BMPER: variants seen among roughly 807,000 people sequenced by gnomAD.
BMPER encodes the protein BMP binding endothelial regulator.
A neutral mutation model predicts 87.3 loss-of-function variants in BMPER; 45 were observed. That is an observed-to-expected ratio of 0.52 (90% CI 0.41 to 0.66). The LOEUF (loss-of-function observed/expected upper bound fraction) is 0.66. Ranked by LOEUF, BMPER falls within the 30% of genes least tolerant of loss-of-function variation. BMPER has a pLI of 0.00. For missense variants in BMPER, 784 were observed against 867.5 expected (o/e 0.90, Z 1.21); for synonymous variants, 326 against 316.2 (o/e 1.03, Z -0.33).
At chr7:34,084,735 G>T (rs1175301668) in intron 12 of BMPER, among the ~76,000 whole-genome samples, 1 of 152,206 alleles carries the variant, frequency 6.6e-6, no homozygotes, top group East Asian at 1.9e-4. Flanking sequence ...CTAGTCAGAT[G>T]TATCTATGCT....
chr7:34,048,200 A>G (rs1309478602), intron 7 of BMPER, among the ~76,000 whole-genome samples: 1 of 151,998 alleles, frequency 6.6e-6, no homozygotes. Flanking sequence ...CAGCCATACC[A>G]TGAAGTCTAT....
intron 14 of BMPER, 101 bp from the exon 15 acceptor site, chr7:34,152,991 C>G (rs759972617): frequency 6.0e-6 from 8 of 1,328,486 alleles, no homozygotes; most frequent in Non-Finnish European, 8.7e-6. Context: ...GCTATGGAAA[C>G]GTCCATGAAG....
At chr7:33,972,563 C>T (rs1785576080) in intron 5 of BMPER, among the ~76,000 whole-genome samples, 2 of 152,098 alleles carry the variant, frequency 1.3e-5, no homozygotes, top group Admixed American at 6.5e-5. Flanking sequence ...CTAGGCCCAC[C>T]AAGAGTAAGC....
intron 3 of BMPER, among the ~76,000 whole-genome samples, chr7:33,955,138 T>C (rs1423735405): frequency 6.6e-6 from 1 of 152,112 alleles, no homozygotes; most frequent in Non-Finnish European, 1.5e-5. Flanking sequence ...CTCAGGTGAT[T>C]TGCCTACCTC....
chr7:34,121,847 T>C (rs1306581606), intron 13 of BMPER, among the ~76,000 whole-genome samples: 1 of 152,102 alleles, frequency 6.6e-6, no homozygotes, highest in Non-Finnish European at 1.5e-5. Flanking sequence ...AAAGGCCAGG[T>C]GTGGTGGCTC....
At chr7:34,006,147 A>G (rs897569272) in intron 6 of BMPER, among the ~76,000 whole-genome samples, 1 of 152,068 alleles carries the variant, frequency 6.6e-6, no homozygotes, top group African/African-American at 2.4e-5. Flanking sequence ...TGTAAAAAAA[A>G]TTAAATAAAC....
At chr7:34,114,673 A>G (rs976040661) in intron 13 of BMPER, among the ~76,000 whole-genome samples, 1 of 152,248 alleles carries the variant, frequency 6.6e-6, no homozygotes, top group Non-Finnish European at 1.5e-5. Context: ...AGCTACTATT[A>G]TGTAGACATG....
chr7:33,908,471 C>G (rs1783876522), intron 2 of BMPER, among the ~76,000 whole-genome samples: 1 of 152,046 alleles, frequency 6.6e-6, no homozygotes, highest in Admixed American at 6.5e-5. Context: ...GTACTCCTAC[C>G]CCTGCTAAAA....
chr7:34,058,780 G>C (rs1011155992), intron 10 of BMPER, among the ~76,000 whole-genome samples: 15 of 152,204 alleles, frequency 9.9e-5, no homozygotes, highest in Non-Finnish European at 8.8e-5. Context: ...TCAGCAACTT[G>C]AAACCTTTTA....
In BMPER at chr7:33,929,158, G is replaced by T. The variant is rs538782414; in HGVS notation, c.220-8131G>T. On this transcript the variant is annotated intron_variant, in intron 2 of 14. Transcript: ENST00000649409. ...GGCCGGAGGAGGCGTGTTTGCCAGG[G>T]CCTGGGTCTCTGGGGTAAAGACTCG... Among the ~76,000 whole-genome samples, 14 of 152,292 alleles carry T rather than the reference G, an allele frequency of 9.2e-5. No homozygotes were observed. In the South Asian group the frequency reaches 2.5e-3, roughly 27 times the overall value.
At chr7:34,055,076 G>A (rs1788246466) in intron 8 of BMPER, 87 bp from the exon 9 acceptor site, 2 of 1,565,044 alleles carry the variant, frequency 1.3e-6, no homozygotes, top group Admixed American at 3.3e-5. Flanking sequence ...GACACAGATA[G>A]TTATGAGTTA....
Position 34,156,313 on chromosome 7 carries a change from G to A in BMPER, c.*3040G>A, listed in dbSNP as rs1252858674. ...CACACAAAAAGGCATAGAGAAAAAT[G>A]TTGCAAACATCCATGACTACATTAC... is the stretch of plus-strand genomic sequence containing the variant. On this transcript the variant is annotated 3_prime_UTR_variant, in exon 15 of 15. Transcript: ENST00000649409. Among the ~76,000 whole-genome samples, 1 of 152,176 alleles carries A rather than the reference G, an allele frequency of 6.6e-6. No individual in the cohort carries two copies. The highest frequency in any genetic ancestry group is 6.5e-5 in the Admixed American group (1 of 15,274).
chr7:34,074,144 T>C (rs772961963), intron 11 of BMPER, among the ~76,000 whole-genome samples: 11 of 152,282 alleles, frequency 7.2e-5, no homozygotes, highest in Non-Finnish European at 1.6e-4. Context: ...ACAATGTACC[T>C]ACACAATATT....
intron 3 of BMPER, among the ~76,000 whole-genome samples, chr7:33,951,703 T>G (rs1437751814): frequency 2.0e-5 from 3 of 152,160 alleles, no homozygotes; most frequent in Non-Finnish European, 4.4e-5. Context: ...TAAAAGGGAA[T>G]AAGAGAAAGA....
chr7:34,040,667 C>A (rs539112638), intron 6 of BMPER, among the ~76,000 whole-genome samples: 43 of 152,120 alleles, frequency 2.8e-4, no homozygotes, highest in Non-Finnish European at 5.6e-4. Flanking sequence ...CATGTTCTTT[C>A]AACTGAGTGG....
intron 6 of BMPER, among the ~76,000 whole-genome samples, chr7:34,023,548 A>G (rs1787255902): frequency 6.6e-6 from 1 of 151,994 alleles, no homozygotes; most frequent in Non-Finnish European, 1.5e-5. Context: ...TGTCCTGAGT[A>G]CATTCCTCCC....
chr7:33,997,953 AT>A (rs1464476066), intron 6 of BMPER, among the ~76,000 whole-genome samples: 4 of 152,028 alleles, frequency 2.6e-5, no homozygotes, highest in African/African-American at 4.8e-5. Context: ...GACTTTGTTT[AT>A]TTTTCCCCAT....
At chr7:34,090,013 G>A (rs951131108) in intron 13 of BMPER, among the ~76,000 whole-genome samples, 2 of 152,042 alleles carry the variant, frequency 1.3e-5, no homozygotes, top group African/African-American at 4.8e-5. Flanking sequence ...ATAAAAATTT[G>A]ATATATAATT....
chr7:34,062,577 G>C (rs34609650), intron 11 of BMPER, among the ~76,000 whole-genome samples: 36,573 of 151,628 alleles, frequency 0.24, 4,595 homozygotes, highest in African/African-American at 0.31. Context: ...TATAGTCATG[G>C]GTCACTTAAC....
Sources: gnomAD v4.1 joint callset for allele counts (sites outside exome capture counted in the v4.1 genomes callset) on GRCh38, gnomAD v4.1.1 for gene constraint, MANE v1.5 for transcripts, NCBI Gene and HGNC (gene_info 2026-07-23, HGNC 2026-07-21) for gene names.